Variants in EVX2 observed in about 807,000 individuals in gnomAD.
EVX2 encodes the protein even-skipped homeobox 2, also known as homeobox even-skipped homolog protein 2.
EVX2 carries 10 observed loss-of-function variants against 19.2 expected under a neutral mutation model. The ratio of observed to expected loss-of-function variants is 0.52; its 90% CI spans 0.32 to 0.89. EVX2 has a LOEUF of 0.89. EVX2 is among the 40% of genes least tolerant of loss of function. The pLI, the probability that EVX2 is intolerant of heterozygous loss-of-function variation, is 0.03. For missense variants in EVX2, 710 were observed against 694.9 expected, an observed-to-expected ratio of 1.02 and a Z score of -0.24; for synonymous variants, 354 against 328.4, an observed-to-expected ratio of 1.08 and a Z score of -0.84.
chr2:176,080,458 C>G lies in EVX2; in HGVS notation c.1080G>C (p.Ala360=). The change falls in exon 3 of 3, where the codon GCG becomes GCC. Residue 360 remains alanine, a synonymous_variant. Transcript: ENST00000308618. The surrounding 1 kb of genome is among the most constrained non-coding windows in gnomAD (Gnocchi z 7.0). ...CAGCCGCTGCGGCTGCCGCGGCTGC[C>G]GCGGCAGAGGCCGCGCTGTTGAGCC... is the stretch of plus-strand genomic sequence containing the variant. ...AAGLNSAASA[A]AAAAAAAAAA... 2 of 1,204,604 alleles carry G rather than the reference C, an allele frequency of 1.7e-6. No homozygotes were observed. The highest frequency in any genetic ancestry group is 2.1e-6 in the Non-Finnish European group (2 of 971,440). 74.6% of individuals were successfully genotyped at this position (1,204,604 alleles called of 1,614,324 possible). A position where few individuals can be genotyped will look rare whatever the true frequency, so the allele number is the denominator to read the frequency against.
Position 176,080,042 on chromosome 2 carries a change from G to A in EVX2, c.*65C>T, listed in dbSNP as rs1574937106. ...GGGCAACGCGCGGAGGGCTCAGGGG[G>A]CGCACAGGGGACTCCCGGGCACACT... On this transcript the variant is annotated 3_prime_UTR_variant, in exon 3 of 3. Transcript: ENST00000308618. This position sits in a 1 kb window ranked among gnomAD's most constrained non-coding sequence, Gnocchi z 7.0. 2.1e-6 allele frequency: 3 copies of A among 1,429,236 alleles called. No individual in the cohort carries two copies. Among genetic ancestry groups the A allele is most frequent in the Non-Finnish European group, 1.8e-6 (2 of 1,087,972 alleles). 88.5% of individuals were successfully genotyped at this position (1,429,236 alleles called of 1,614,324 possible).
Position 176,080,862 on chromosome 2 carries a change from C to T in EVX2, c.700-24G>A, listed in dbSNP as rs377296091. On this transcript the variant is annotated intron_variant, in intron 2 of 2. Transcript: ENST00000308618. This position sits in a 1 kb window ranked among gnomAD's most constrained non-coding sequence, Gnocchi z 7.0. ...ACCTGCGGGGAGAGACGCGCCGCAG[C>T]CTGGGTTAGGGAGCGCCCCGTGTTC... 6 of 1,597,944 alleles carry T rather than the reference C, an allele frequency of 3.8e-6. No homozygotes were observed. In the African/African-American group the frequency reaches 8.0e-5, roughly 21 times the overall value.
In EVX2 at chr2:176,082,269, A is replaced by G; in HGVS notation, c.608T>C (p.Leu203Pro). 6.2e-7 allele frequency: 1 copy of G among 1,602,822 alleles called. No individual in the cohort carries two copies. The highest frequency in any genetic ancestry group is 8.5e-7 in the Non-Finnish European group (1 of 1,178,944). The stretch of plus-strand genomic sequence containing the variant: ...GTTCTCCCGGTAGAACTCCTTCTCC[A>G]GGCGCGCGATCTGCTCGCGGGTGAA... ...TAFTREQIARLEKEFYRENYV... is the reference protein window; with the variant it reads ...TAFTREQIARPEKEFYRENYV... Residue 203 changes from leucine (L) to proline (P), a missense_variant, in exon 2 of 3, where the codon CTG becomes CCG. Physicochemically the swap from Leu to Pro is moderately conservative, Grantham distance 98. Transcript: ENST00000308618. The surrounding 1 kb of genome is among the most constrained non-coding windows in gnomAD (Gnocchi z 5.2).
chr2:176,082,206 G>T lies in EVX2; in HGVS notation c.671C>A (p.Ala224Glu). The T allele has an allele frequency of 6.3e-7, 1 of 1,599,206 alleles. No individual in the cohort carries two copies. The change falls in exon 2 of 3, where the codon GCA becomes GAA. Residue 224 changes from alanine to glutamate, a missense_variant. Physicochemically the swap from Ala to Glu is moderately radical, Grantham distance 107 (BLOSUM62 -1). Transcript: ENST00000308618. The surrounding 1 kb of genome is among the most constrained non-coding windows in gnomAD (Gnocchi z 5.2). Reference protein sequence around the residue: ...SRPRRCELAAALNLPETTIKV... With the variant: ...SRPRRCELAAELNLPETTIKV... ...GATGGTGGTTTCGGGCAGGTTGAGT[G>T]CCGCGGCCAGCTCGCACCGGCGGGG...
In EVX2 at chr2:176,083,322, G is replaced by A; in HGVS notation, c.427+28C>T. The A allele has an allele frequency of 3.2e-6, 5 of 1,550,956 alleles. No individual in the cohort carries two copies. Among genetic ancestry groups the A allele is most frequent in the Non-Finnish European group, 4.4e-6 (5 of 1,146,334 alleles). ...CGGAGGAGCAAAGAGGATGGGACTG[G>A]AGAGCGCGGTGCGGCCGGCGCGGTT... On this transcript the variant is annotated intron_variant, in intron 1 of 2. Transcript: ENST00000308618. This position sits in a 1 kb window ranked among gnomAD's most constrained non-coding sequence, Gnocchi z 4.4.
Position 176,080,048 on chromosome 2 carries a change from A to G in EVX2, c.*59T>C, listed in dbSNP as rs1559102211. On this transcript the variant is annotated 3_prime_UTR_variant, in exon 3 of 3. Coordinates refer to ENST00000308618, the MANE Select transcript of EVX2 (RefSeq NM_001080458.2). This position sits in a 1 kb window ranked among gnomAD's most constrained non-coding sequence, Gnocchi z 7.0. The stretch of plus-strand genomic sequence containing the variant: ...CGCGCGGAGGGCTCAGGGGGCGCAC[A>G]GGGGACTCCCGGGCACACTCAGAGA... The G allele has an allele frequency of 8.2e-6, 12 of 1,457,486 alleles. No homozygotes were observed. The highest frequency in any genetic ancestry group is 1.4e-5 in the South Asian group (1 of 71,828). 90.3% of individuals were successfully genotyped at this position (1,457,486 alleles called of 1,614,324 possible).
In EVX2 at chr2:176,082,290, G is replaced by C; in HGVS notation, c.587C>G (p.Thr196Ser). 6.2e-7 allele frequency: 1 copy of C among 1,601,414 alleles called. No individual in the cohort carries two copies. Among genetic ancestry groups the C allele is most frequent in the South Asian group, 1.1e-5 (1 of 90,778 alleles). ...CTCCAGGCGCGCGATCTGCTCGCGGGTGAACGCCGTACGGTAGCGCCGCAC... is the reference window on the plus strand; with the variant it reads ...CTCCAGGCGCGCGATCTGCTCGCGGCTGAACGCCGTACGGTAGCGCCGCAC... ...DQVRRYRTAF[T>S]REQIARLEKE... The change falls in exon 2 of 3, where the codon ACC becomes AGC. Residue 196 changes from threonine (T) to serine (S), a missense_variant. Thr to Ser is a moderately conservative substitution (Grantham distance 58). Transcript: ENST00000308618. This position sits in a 1 kb window ranked among gnomAD's most constrained non-coding sequence, Gnocchi z 5.2.
rs1689190093 is a variant in EVX2, at chr2:176,083,924, G to C, written c.-148C>G. The C allele has an allele frequency of 5.9e-6, 4 of 681,538 alleles. No individual in the cohort carries two copies. The East Asian group carries it at 8.0e-5, about 14-fold the overall frequency. The allele number at this position is 681,538 out of a possible 1,614,324, so 42.2% of individuals were successfully genotyped here. A position where few individuals can be genotyped will look rare whatever the true frequency, so the allele number is the denominator to read the frequency against. On this transcript the variant is annotated 5_prime_UTR_variant, in exon 1 of 3. Transcript: ENST00000308618. The surrounding 1 kb of genome is among the most constrained non-coding windows in gnomAD (Gnocchi z 4.4). The stretch of plus-strand genomic sequence containing the variant: ...GAGGCGGAAAAATTGTGGGATGCCA[G>C]AGCGAGGGAATGACTGGTCAAAATG...
chr2:176,081,802 C>T lies in EVX2; in HGVS notation c.699+376G>A, dbSNP rs910642653. 6.6e-6 allele frequency among the ~76,000 whole-genome samples: 1 copy of T among 152,182 alleles called. No individual in the cohort carries two copies. Among genetic ancestry groups the T allele is most frequent in the Admixed American group, 6.5e-5 (1 of 15,286 alleles). On this transcript the variant is annotated intron_variant, in intron 2 of 2. Coordinates refer to ENST00000308618, the MANE Select transcript of EVX2 (RefSeq NM_001080458.2). The surrounding 1 kb of genome is among the most constrained non-coding windows in gnomAD (Gnocchi z 5.9). The stretch of plus-strand genomic sequence containing the variant: ...TATGCGGAAAATAAATCTCCAAGCT[C>T]AAGAGCAAATGAAAAGTTTCACCTC...
In EVX2 at chr2:176,080,522, C is replaced by T. The variant is rs750697411; in HGVS notation, c.1016G>A (p.Arg339His). The part of the protein sequence containing the change: ...YSRPELLCSF[R>H]HPGLYQAPAA... ...GGGAGCCTGGTAGAGACCAGGGTGGCGGAAGCTACACAGCAGCTCCGGCCG... is the reference window on the plus strand; with the variant it reads ...GGGAGCCTGGTAGAGACCAGGGTGGTGGAAGCTACACAGCAGCTCCGGCCG... The change falls in exon 3 of 3, where the codon CGC becomes CAC. Residue 339 changes from arginine (R) to histidine (H), a missense_variant. Transcript: ENST00000308618. The surrounding 1 kb of genome is among the most constrained non-coding windows in gnomAD (Gnocchi z 7.0). 2 of 1,479,046 alleles carry T rather than the reference C, an allele frequency of 1.4e-6. No homozygotes were observed. The highest frequency in any genetic ancestry group is 1.4e-5 in the South Asian group (1 of 72,970). 91.6% of individuals were successfully genotyped at this position (1,479,046 alleles called of 1,614,324 possible).
In EVX2 at chr2:176,080,160, TACTA is replaced by T; in HGVS notation, c.1374_1377del (p.Ser459ArgfsTer4). ...TGGTCCGGCGGGCTCACGGCCGTCT[TACTA>T]AGCACCGCGGCCGAGTAGGGCAGGA... On this transcript the variant is annotated frameshift_variant, in exon 3 of 3. Transcript: ENST00000308618. LOFTEE classifies it high-confidence loss of function. The surrounding 1 kb of genome is among the most constrained non-coding windows in gnomAD (Gnocchi z 7.0). The T allele has an allele frequency of 6.5e-7, 1 of 1,539,792 alleles. No homozygotes were observed. The highest frequency in any genetic ancestry group is 1.2e-5 in the South Asian group (1 of 83,248).
Position 176,083,893 on chromosome 2 carries a change from C to A in EVX2, c.-117G>T. 1 of 898,564 alleles carries A rather than the reference C, an allele frequency of 1.1e-6. No individual in the cohort carries two copies. Among genetic ancestry groups the A allele is most frequent in the South Asian group, 1.7e-5 (1 of 58,112 alleles). 55.7% of individuals were successfully genotyped at this position (898,564 alleles called of 1,614,324 possible). A position where few individuals can be genotyped will look rare whatever the true frequency, so the allele number is the denominator to read the frequency against. Reference sequence around the variant, plus strand: ...CGCCTCTAAATATTATTATCGCTTTCGGAGGGAGGCGGAAAAATTGTGGGA... The same window carrying A: ...CGCCTCTAAATATTATTATCGCTTTAGGAGGGAGGCGGAAAAATTGTGGGA... On this transcript the variant is annotated 5_prime_UTR_variant, in exon 1 of 3. Transcript: ENST00000308618. This position sits in a 1 kb window ranked among gnomAD's most constrained non-coding sequence, Gnocchi z 4.4.
In EVX2 at chr2:176,080,090, TGG is replaced by T. The variant is rs1689108684; in HGVS notation, c.*15_*16del. On this transcript the variant is annotated 3_prime_UTR_variant, in exon 3 of 3. Coordinates refer to ENST00000308618, the MANE Select transcript of EVX2 (RefSeq NM_001080458.2). The surrounding 1 kb of genome is among the most constrained non-coding windows in gnomAD (Gnocchi z 7.0). ...ACTCAGAGAGGCGGGCGCGGCCCCC[TGG>T]CGGTGGCGACGTAGTTATCTGGTGA... 1 of 1,502,298 alleles carries T rather than the reference TGG, an allele frequency of 6.7e-7. No individual in the cohort carries two copies. Among genetic ancestry groups the T allele is most frequent in the Non-Finnish European group, 8.9e-7 (1 of 1,128,356 alleles). 93.1% of individuals were successfully genotyped at this position (1,502,298 alleles called of 1,614,324 possible).
In EVX2 at chr2:176,080,039, G is replaced by A. The variant is rs78938216; in HGVS notation, c.*68C>T. ...AGCGGGCAACGCGCGGAGGGCTCAG[G>A]GGGCGCACAGGGGACTCCCGGGCAC... On this transcript the variant is annotated 3_prime_UTR_variant, in exon 3 of 3. Coordinates refer to ENST00000308618, the MANE Select transcript of EVX2 (RefSeq NM_001080458.2). This position sits in a 1 kb window ranked among gnomAD's most constrained non-coding sequence, Gnocchi z 7.0. 21 of 1,407,450 alleles carry A rather than the reference G, an allele frequency of 1.5e-5. No homozygotes were observed. In the African/African-American group the frequency reaches 3.0e-4, roughly 20 times the overall value. 87.2% of individuals were successfully genotyped at this position (1,407,450 alleles called of 1,614,324 possible). A position where few individuals can be genotyped will look rare whatever the true frequency, so the allele number is the denominator to read the frequency against.
In EVX2 at chr2:176,082,138, C is replaced by T. The variant is rs763358053; in HGVS notation, c.699+40G>A. 9 of 1,507,590 alleles carry T rather than the reference C, an allele frequency of 6.0e-6. No individual in the cohort carries two copies. The highest frequency in any genetic ancestry group is 5.2e-5 in the South Asian group (4 of 77,348). 93.4% of individuals were successfully genotyped at this position (1,507,590 alleles called of 1,614,324 possible). Reference sequence around the variant, plus strand: ...AAAAAGAAACAATCAACCCAGATGCCCCCGGGGAGGCCAGAGCAGGCATGC... The same window carrying T: ...AAAAAGAAACAATCAACCCAGATGCTCCCGGGGAGGCCAGAGCAGGCATGC... On this transcript the variant is annotated intron_variant, in intron 2 of 2. Transcript: ENST00000308618. This position sits in a 1 kb window ranked among gnomAD's most constrained non-coding sequence, Gnocchi z 5.2.
rs1457375165 is a variant in EVX2, at chr2:176,082,483, C to T, written c.428-34G>A. The T allele has an allele frequency of 2.0e-6, 3 of 1,502,900 alleles. No homozygotes were observed. Among genetic ancestry groups the T allele is most frequent in the East Asian group, 4.8e-5 (2 of 41,952 alleles). 93.1% of individuals were successfully genotyped at this position (1,502,900 alleles called of 1,614,324 possible). ...CAAACGACCAACAGCGCATGAGTGG[C>T]TGTAGGACCAACAGCCCGGCGCTGG... is the stretch of plus-strand genomic sequence containing the variant. On this transcript the variant is annotated intron_variant, in intron 1 of 2. Transcript: ENST00000308618. This position sits in a 1 kb window ranked among gnomAD's most constrained non-coding sequence, Gnocchi z 5.2.
Position 176,081,636 on chromosome 2 carries a change from A to G in EVX2, c.699+542T>C, listed in dbSNP as rs1024451739. The stretch of plus-strand genomic sequence containing the variant: ...TAAAATTAATAACCTAAAGTTATAT[A>G]TAAATAAGGACAATTTCGTTGCATT... On this transcript the variant is annotated intron_variant, in intron 2 of 2. Transcript: ENST00000308618. The surrounding 1 kb of genome is among the most constrained non-coding windows in gnomAD (Gnocchi z 5.9). Among the ~76,000 whole-genome samples the G allele has an allele frequency of 6.6e-6, 1 of 152,184 alleles. No homozygotes were observed. The highest frequency in any genetic ancestry group is 1.5e-5 in the Non-Finnish European group (1 of 68,042).
chr2:176,080,518 G>T lies in EVX2; in HGVS notation c.1020C>A (p.His340Gln). The change falls in exon 3 of 3, where the codon CAC becomes CAA. Residue 340 changes from histidine (H) to glutamine (Q), a missense_variant. By Grantham distance (24) the His-to-Gln change is conservative. Transcript: ENST00000308618. This position sits in a 1 kb window ranked among gnomAD's most constrained non-coding sequence, Gnocchi z 7.0. Reference sequence around the variant, plus strand: ...CCGCGGGAGCCTGGTAGAGACCAGGGTGGCGGAAGCTACACAGCAGCTCCG... The same window carrying T: ...CCGCGGGAGCCTGGTAGAGACCAGGTTGGCGGAAGCTACACAGCAGCTCCG... ...SRPELLCSFR[H>Q]PGLYQAPAAA... The T allele has an allele frequency of 1.4e-6, 2 of 1,477,330 alleles. No homozygotes were observed. Among genetic ancestry groups the T allele is most frequent in the Non-Finnish European group, 1.8e-6 (2 of 1,128,864 alleles). 91.5% of individuals were successfully genotyped at this position (1,477,330 alleles called of 1,614,324 possible).
Position 176,080,914 on chromosome 2 carries a change from C to T in EVX2, c.700-76G>A, listed in dbSNP as rs1689139021. The T allele has an allele frequency of 5.3e-6, 8 of 1,498,774 alleles. No individual in the cohort carries two copies. The highest frequency in any genetic ancestry group is 7.1e-6 in the Non-Finnish European group (8 of 1,123,598). The allele number at this position is 1,498,774 out of a possible 1,614,324, so 92.8% of individuals were successfully genotyped here. ...CAGCTCCTGTCCCAGGACCTCTGCCCCTTCCGGACCTCTGAATGGCTTGGT... is the reference window on the plus strand; with the variant it reads ...CAGCTCCTGTCCCAGGACCTCTGCCTCTTCCGGACCTCTGAATGGCTTGGT... On this transcript the variant is annotated intron_variant, in intron 2 of 2. Transcript: ENST00000308618. This position sits in a 1 kb window ranked among gnomAD's most constrained non-coding sequence, Gnocchi z 7.0.
Sources: allele counts gnomAD v4.1 joint callset (sites outside exome capture counted in the v4.1 genomes callset), GRCh38; gene constraint gnomAD v4.1.1; non-coding constraint Gnocchi (gnomAD v3.1); transcripts MANE v1.5; gene names NCBI Gene and HGNC (gene_info 2026-07-23, HGNC 2026-07-21).